SYNDIG1: variants seen among roughly 807,000 people sequenced by gnomAD.
SYNDIG1 encodes the protein synapse differentiation inducing 1, also known as synapse differentiation-inducing gene protein 1.
Under a neutral mutation model 19.4 loss-of-function variants are expected in SYNDIG1, and 9 were observed. The ratio of observed to expected loss-of-function variants is 0.46; its 90% CI spans 0.28 to 0.81. The LOEUF (loss-of-function observed/expected upper bound fraction) is 0.81, where lower values mean the gene tolerates loss of function less well. SYNDIG1 is among the 30% of genes least tolerant of loss of function. The probability of loss-of-function intolerance (pLI) is 0.12; values close to 1 mark genes in which losing one functional copy is unlikely to be tolerated. For missense variants in SYNDIG1, 311 were observed against 343.3 expected (o/e 0.91, Z 0.74); for synonymous variants, 141 against 145.9 (o/e 0.97, Z 0.24).
At chr20:24,545,142 G>A (rs559742581) in intron 2 of SYNDIG1, among the ~76,000 whole-genome samples, 12 of 152,288 alleles carry the variant, frequency 7.9e-5, no homozygotes, top group East Asian at 1.9e-4. Context: ...GAGATCCAGC[G>A]TTAGTCAGGA....
chr20:24,618,360 G>T (rs1183646400), intron 3 of SYNDIG1, among the ~76,000 whole-genome samples: 4 of 151,516 alleles, frequency 2.6e-5, no homozygotes, highest in African/African-American at 4.9e-5. Context: ...GGGGAGGGGG[G>T]AGAGCCTGGG....
intron 1 of SYNDIG1, among the ~76,000 whole-genome samples, chr20:24,524,850 G>C (rs1272252618): frequency 6.6e-6 from 1 of 152,102 alleles, no homozygotes; most frequent in African/African-American, 2.4e-5. Context: ...TCTTTGCAGG[G>C]AAGAGACTTG....
At chr20:24,581,229 C>T (rs371697205) in intron 2 of SYNDIG1, among the ~76,000 whole-genome samples, 67 of 151,754 alleles carry the variant, frequency 4.4e-4, no homozygotes, top group African/African-American at 1.5e-3. Flanking sequence ...TGTGAGTGGA[C>T]GTGTTTTAAC....
intron 3 of SYNDIG1, among the ~76,000 whole-genome samples, chr20:24,590,455 T>C (rs924872833): frequency 6.6e-6 from 1 of 151,900 alleles, no homozygotes; most frequent in Admixed American, 6.5e-5. Flanking sequence ...GGCCACATGC[T>C]CCCGGGAGCC....
intron 3 of SYNDIG1, among the ~76,000 whole-genome samples, chr20:24,605,345 A>T (rs2058740793): frequency 6.6e-6 from 1 of 152,216 alleles, no homozygotes; most frequent in Admixed American, 6.5e-5. Flanking sequence ...CGGCTCCAAT[A>T]TTACTACATG....
chr20:24,598,859 A>G (rs530141633), intron 3 of SYNDIG1, among the ~76,000 whole-genome samples: 3 of 152,328 alleles, frequency 2.0e-5, no homozygotes, highest in Admixed American at 2.0e-4. Flanking sequence ...TTTAAGACTT[A>G]AACATAAGAC....
At chr20:24,559,074 A>G (rs1204456621) in intron 2 of SYNDIG1, among the ~76,000 whole-genome samples, 1 of 152,194 alleles carries the variant, frequency 6.6e-6, no homozygotes, top group Non-Finnish European at 1.5e-5. Flanking sequence ...AAAGATAGGG[A>G]ATCAACCTAA....
chr20:24,524,703 T>A (rs2057084118), intron 1 of SYNDIG1, among the ~76,000 whole-genome samples: 1 of 152,154 alleles, frequency 6.6e-6, no homozygotes, highest in Admixed American at 6.5e-5. Flanking sequence ...TCTCTTCCAT[T>A]AAGATTCTTT....
chr20:24,501,564 T>G (rs1031364812), intron 1 of SYNDIG1, among the ~76,000 whole-genome samples: 9 of 152,208 alleles, frequency 5.9e-5, no homozygotes, highest in African/African-American at 2.2e-4. Context: ...CCACACCGGC[T>G]GGGTTCAGAT....
rs184104743 is a variant in SYNDIG1, at chr20:24,636,940, C to G, written c.619-28406C>G. On this transcript the variant is annotated intron_variant, in intron 3 of 3. Transcript: ENST00000376862. ...ACAGACCTAGGTTCTGCCTGGGGCGCAGTAGGAAATCACAAGTTGCAATTG... is the reference window on the plus strand; with the variant it reads ...ACAGACCTAGGTTCTGCCTGGGGCGGAGTAGGAAATCACAAGTTGCAATTG... Among the ~76,000 whole-genome samples, 3 of 152,350 alleles carry G rather than the reference C, an allele frequency of 2.0e-5. No homozygotes were observed. The East Asian group carries it at 5.8e-4, about 29-fold the overall frequency.
intron 3 of SYNDIG1, among the ~76,000 whole-genome samples, chr20:24,626,511 A>AT (rs1423948991): frequency 8.7e-5 from 13 of 150,236 alleles, no homozygotes; most frequent in African/African-American, 3.2e-4. Flanking sequence ...CACTTCCTAG[A>AT]TGGAATGGCG....
intron 1 of SYNDIG1, among the ~76,000 whole-genome samples, chr20:24,500,526 CTTTCTTCTTTCTTTCTTTCTTT>C (rs2056426162): frequency 7.4e-6 from 1 of 135,726 alleles, no homozygotes; most frequent in African/African-American, 2.8e-5. Flanking sequence ...TTCTTTCTTT[CTTTCTTCTTTCTTTCTTTCTTT>C]CTTTTTTCTT....
intron 2 of SYNDIG1, among the ~76,000 whole-genome samples, chr20:24,548,307 A>G (rs1215223147): frequency 1.3e-5 from 2 of 152,320 alleles, no homozygotes; most frequent in East Asian, 3.9e-4. Flanking sequence ...CTGTTTCAGC[A>G]TTATGCCAGA....
intron 3 of SYNDIG1, among the ~76,000 whole-genome samples, chr20:24,636,525 G>A (rs1018823582): frequency 7.2e-5 from 11 of 152,170 alleles, no homozygotes; most frequent in Admixed American, 2.0e-4. Flanking sequence ...CATTTACATA[G>A]CACACAAAGA....
At chr20:24,580,597 CAG>C (rs2058306173) in intron 2 of SYNDIG1, among the ~76,000 whole-genome samples, 2 of 152,188 alleles carry the variant, frequency 1.3e-5, no homozygotes, top group Admixed American at 1.3e-4. Context: ...TTAGTAGAGA[CAG>C]GGTTTCACCA....
At chr20:24,542,353 G>A (rs565554282) in intron 1 of SYNDIG1, among the ~76,000 whole-genome samples, 1 of 152,218 alleles carries the variant, frequency 6.6e-6, no homozygotes, top group African/African-American at 2.4e-5. Context: ...TCATCAGCTG[G>A]GATCGTGTTA....
intron 3 of SYNDIG1, among the ~76,000 whole-genome samples, chr20:24,662,309 C>T (rs1046658117): frequency 6.6e-6 from 1 of 152,068 alleles, no homozygotes; most frequent in Admixed American, 6.6e-5. Context: ...TACTTTTACT[C>T]TTCAATTTAA....
intron 3 of SYNDIG1, among the ~76,000 whole-genome samples, chr20:24,659,853 T>G (rs1315603864): frequency 6.6e-6 from 1 of 152,250 alleles, no homozygotes; most frequent in African/African-American, 2.4e-5. Flanking sequence ...TAAAATGAGT[T>G]TCTCTATTCT....
At chr20:24,529,012 G>T (rs1480123681) in intron 1 of SYNDIG1, among the ~76,000 whole-genome samples, 3 of 152,116 alleles carry the variant, frequency 2.0e-5, no homozygotes, top group Admixed American at 2.0e-4. Context: ...TCTCAGAGAT[G>T]AAGCCCCTCT....
Sources: gnomAD v4.1 joint callset for allele counts (sites outside exome capture counted in the v4.1 genomes callset) on GRCh38, gnomAD v4.1.1 for gene constraint, MANE v1.5 for transcripts, NCBI Gene and HGNC (gene_info 2026-07-23, HGNC 2026-07-21) for gene names.